Variants in HABP2 observed in about 807,000 individuals in gnomAD.
The protein encoded by HABP2 is factor VII-activating protease.
In HABP2, 65 loss-of-function variants were observed where a neutral mutation model predicts 66.5. That is an observed-to-expected ratio of 0.98 (90% CI 0.80 to 1.20). HABP2 has a LOEUF of 1.20. HABP2 is among the 50% of genes most tolerant of loss of function. The pLI is 0.00. For synonymous variants in HABP2, 263 were observed against 253.9 expected (o/e 1.04, Z -0.34); for missense variants, 786 against 691.0 (o/e 1.14, Z -1.54).
chr10:113,570,322 A>T (rs1845282154), intron 2 of HABP2, among the ~76,000 whole-genome samples: 1 of 152,262 alleles, frequency 6.6e-6, no homozygotes, highest in Non-Finnish European at 1.5e-5. Flanking sequence ...TCAACACATT[A>T]TAACCTATTA....
intron 1 of HABP2, among the ~76,000 whole-genome samples, chr10:113,562,475 C>T (rs6585230): frequency 0.063 from 8,608 of 136,524 alleles, 553 homozygotes; most frequent in African/African-American, 0.17. Context: ...GACAGAGTCT[C>T]ATTCTTTCAC....
chr10:113,582,779 T>C (rs866408610), intron 9 of HABP2, among the ~76,000 whole-genome samples: 1 of 152,198 alleles, frequency 6.6e-6, no homozygotes, highest in Non-Finnish European at 1.5e-5. Flanking sequence ...CCTGTGCTCA[T>C]GGTCAAGGCT....
chr10:113,561,382 G>C (rs1229146263), intron 1 of HABP2, among the ~76,000 whole-genome samples: 1 of 152,166 alleles, frequency 6.6e-6, no homozygotes, highest in Non-Finnish European at 1.5e-5. Flanking sequence ...CTGGCCTTGA[G>C]CTCTTTGCCC....
At chr10:113,554,263 G>A (rs1844951518) in intron 1 of HABP2, among the ~76,000 whole-genome samples, 1 of 152,212 alleles carries the variant, frequency 6.6e-6, no homozygotes, top group Non-Finnish European at 1.5e-5. Context: ...AGGGGTGGTA[G>A]AAAGTGGGCA....
rs1564682175 is a variant in HABP2 at position 113,586,477 on chromosome 10, G to GT, written c.1518+539_1518+540insT. Among the ~76,000 whole-genome samples the GT allele has an allele frequency of 3.4e-3, 267 of 78,782 alleles. 2 individuals are homozygous for GT. Among genetic ancestry groups the GT allele is most frequent in the African/African-American group, 6.7e-3 (168 of 25,210 alleles). 51.7% of individuals were successfully genotyped at this position (78,782 alleles called of 152,430 possible). ...TCATGTGTGCGTGTGTGTGTGTGTG[G>GT]GGGGGGGGGGGGTGTTTTAGCCCTA... On this transcript the variant is annotated intron_variant, in intron 12 of 12. Coordinates refer to ENST00000351270, the MANE Select transcript of HABP2 (RefSeq NM_004132.5).
chr10:113,581,009 T>C (rs1845518718), intron 8 of HABP2, among the ~76,000 whole-genome samples: 1 of 152,216 alleles, frequency 6.6e-6, no homozygotes, highest in Non-Finnish European at 1.5e-5. Flanking sequence ...GGGTGTGCAA[T>C]GGTGATCAAA....
At position 113,580,580 on chromosome 10, in the gene HABP2, T is replaced by G; in HGVS notation, c.741-15T>G. Reference sequence around the variant, plus strand: ...ATCAAGCCTTGACTCTGAGTTGTTTTGTTTTGTATTTTAGAAACCCAGATG... The same window carrying G: ...ATCAAGCCTTGACTCTGAGTTGTTTGGTTTTGTATTTTAGAAACCCAGATG... On this transcript the variant is annotated splice_polypyrimidine_tract_variant and intron_variant, in intron 7 of 12. Transcript: ENST00000351270. The G allele has an allele frequency of 4.4e-6, 6 of 1,364,122 alleles. No individual in the cohort carries two copies. The highest frequency in any genetic ancestry group is 5.3e-6 in the Non-Finnish European group (5 of 951,566). 84.5% of individuals were successfully genotyped at this position (1,364,122 alleles called of 1,614,324 possible). A position where few individuals can be genotyped will look rare whatever the true frequency, so the allele number is the denominator to read the frequency against.
intron 1 of HABP2, among the ~76,000 whole-genome samples, chr10:113,556,945 C>T (rs1410986847): frequency 5.9e-5 from 9 of 151,804 alleles, no homozygotes; most frequent in Non-Finnish European, 1.3e-4. Context: ...ATGCCTGGCC[C>T]CCATACTATC....
At chr10:113,564,996 G>A (rs4917660) in intron 1 of HABP2, among the ~76,000 whole-genome samples, 49,120 of 151,668 alleles carry the variant, frequency 0.32, 9,197 homozygotes, top group East Asian at 0.51. Context: ...ACAGGCCCCC[G>A]CTGCCACATC....
intron 5 of HABP2, 115 bp from the exon 6 acceptor site, chr10:113,577,911 A>C: frequency 1.6e-6 from 2 of 1,214,414 alleles, no homozygotes; most frequent in Non-Finnish European, 2.3e-6. Flanking sequence ...CTGGTGACCC[A>C]TCTTTCGCGA....
At chr10:113,553,283 G>A in intron 1 of HABP2, 93 bp downstream of exon 1, 1 of 940,674 alleles carries the variant, frequency 1.1e-6, no homozygotes, top group Admixed American at 1.8e-5. Flanking sequence ...ACTTTAGAGT[G>A]AAAGGCTGGA....
At chr10:113,552,976 T>G, upstream of HABP2, 1 of 636,776 alleles carries the variant, frequency 1.6e-6, no homozygotes, top group Non-Finnish European at 2.8e-6. Flanking sequence ...ACATTAAACA[T>G]TAAACAGTAT....
intron 7 of HABP2, among the ~76,000 whole-genome samples, chr10:113,579,481 C>T (rs553628064): frequency 5.3e-5 from 8 of 152,296 alleles, no homozygotes; most frequent in East Asian, 3.9e-4. Flanking sequence ...CATGAGCCCA[C>T]GTAACTTCTA....
At chr10:113,585,651 C>A in intron 11 of HABP2, 142 bp from the exon 12 acceptor site, 1 of 660,894 alleles carries the variant, frequency 1.5e-6, no homozygotes, top group Non-Finnish European at 2.7e-6. Flanking sequence ...AAAGATGAGG[C>A]TTTTCTGCCC....
chr10:113,582,254 AAAG>A (rs1208132678), intron 9 of HABP2, 123 bp downstream of exon 9: 1 of 898,142 alleles, frequency 1.1e-6, no homozygotes, highest in Non-Finnish European at 1.6e-6. Flanking sequence ...TTCAAGGGCA[AAAG>A]AAGGGCTCCT....
chr10:113,571,846 C>T (rs1169340769), intron 2 of HABP2, among the ~76,000 whole-genome samples: 2 of 152,224 alleles, frequency 1.3e-5, no homozygotes, highest in Non-Finnish European at 2.9e-5. Flanking sequence ...GCACCATTCC[C>T]AATGCCATCC....
At chr10:113,586,991 C>G (rs1351888539) in intron 12 of HABP2, among the ~76,000 whole-genome samples, 1 of 152,140 alleles carries the variant, frequency 6.6e-6, no homozygotes, top group African/African-American at 2.4e-5. Context: ...TTGCCCTAAA[C>G]TCCTTCCCAG....
intron 1 of HABP2, 50 bp from the exon 2 acceptor site, chr10:113,567,439 C>A: frequency 1.4e-6 from 2 of 1,476,818 alleles, no homozygotes; most frequent in Admixed American, 1.7e-5. Context: ...GGAGCACGCC[C>A]GGCAGAGCTC....
chr10:113,564,812 A>T (rs1285618579), intron 1 of HABP2, among the ~76,000 whole-genome samples: 1 of 146,900 alleles, frequency 6.8e-6, no homozygotes, highest in Admixed American at 7.0e-5. Flanking sequence ...TTTGCAAGTA[A>T]ATTGTAGACA....
Sources: gnomAD v4.1 joint callset for allele counts (sites outside exome capture counted in the v4.1 genomes callset) on GRCh38, gnomAD v4.1.1 for gene constraint, MANE v1.5 for transcripts, NCBI Gene and HGNC (gene_info 2026-07-23, HGNC 2026-07-21) for gene names.